XRCC5: variants seen among roughly 807,000 people sequenced by gnomAD.
The protein encoded by XRCC5 is DNA repair protein Ku80.
Under a neutral mutation model 95.7 loss-of-function variants are expected in XRCC5, and 12 were observed. The ratio of observed to expected loss-of-function variants is 0.13; its 90% CI spans 0.08 to 0.20. XRCC5 has a LOEUF of 0.20. Ranked by LOEUF, XRCC5 falls within the 10% of genes least tolerant of loss-of-function variation. XRCC5 has a pLI of 1.00. For synonymous variants in XRCC5, 281 were observed against 290.3 expected (o/e 0.97, Z 0.33); for missense variants, 595 against 873.9 (o/e 0.68, Z 4.02).
At chr2:216,109,485 T>C in intron 1 of XRCC5, 28 bp downstream of exon 1, 2 of 1,613,380 alleles carry the variant, frequency 1.2e-6, no homozygotes, top group Non-Finnish European at 1.7e-6. Flanking sequence ...GACTTGGGCT[T>C]TACCCGGACT....
intron 16 of XRCC5, among the ~76,000 whole-genome samples, chr2:216,179,385 G>A (rs1011158043): frequency 1.3e-5 from 2 of 152,172 alleles, no homozygotes; most frequent in Non-Finnish European, 2.9e-5. Context: ...CTCTTTCCAA[G>A]TAAGGTCACG....
intron 6 of XRCC5, among the ~76,000 whole-genome samples, chr2:216,125,590 T>G (rs894742041): frequency 3.9e-5 from 6 of 152,210 alleles, no homozygotes; most frequent in African/African-American, 1.4e-4. Context: ...AATGTGCTTT[T>G]ATCACATCCT....
intron 10 of XRCC5, among the ~76,000 whole-genome samples, chr2:216,135,627 A>G (rs1697062302): frequency 6.6e-6 from 1 of 152,038 alleles, no homozygotes; most frequent in Non-Finnish European, 1.5e-5. Flanking sequence ...GCAAAACCCC[A>G]TCTCTACTAA....
At chr2:216,126,200 C>T (rs1696897792) in intron 7 of XRCC5, among the ~76,000 whole-genome samples, 169 bp downstream of exon 7, 1 of 152,170 alleles carries the variant, frequency 6.6e-6, no homozygotes. Flanking sequence ...AAAAGGCAGG[C>T]TAGGAGAGGA....
intron 16 of XRCC5, among the ~76,000 whole-genome samples, chr2:216,182,338 C>T (rs1207464984): frequency 2.0e-5 from 3 of 152,184 alleles, no homozygotes; most frequent in African/African-American, 7.2e-5. Flanking sequence ...CTTCTACTTA[C>T]TTCCTATATT....
chr2:216,131,812 C>G (rs932439185), intron 9 of XRCC5, among the ~76,000 whole-genome samples: 6 of 152,202 alleles, frequency 3.9e-5, no homozygotes, highest in Admixed American at 6.5e-5. Flanking sequence ...CTGTACTACT[C>G]CAAGAGCAGT....
At chr2:216,164,138 G>A (rs1292327793) in intron 16 of XRCC5, among the ~76,000 whole-genome samples, 9 of 152,138 alleles carry the variant, frequency 5.9e-5, no homozygotes, top group African/African-American at 1.9e-4. Flanking sequence ...GGAAAGTGGC[G>A]GAGATGCTGC....
chr2:216,141,540 CTTTTTTTTTT>C (rs71401137), intron 13 of XRCC5, among the ~76,000 whole-genome samples: 2 of 65,006 alleles, frequency 3.1e-5, no homozygotes, highest in African/African-American at 7.4e-5. Flanking sequence ...TCTTTCTTTT[CTTTTTTTTTT>C]TTTTTTTTTT....
chr2:216,184,678 G>A (rs1377039498), intron 16 of XRCC5, among the ~76,000 whole-genome samples: 4 of 152,208 alleles, frequency 2.6e-5, no homozygotes, highest in East Asian at 1.9e-4. Flanking sequence ...ACGGGGTTTC[G>A]CCATATTGGC....
intron 16 of XRCC5, among the ~76,000 whole-genome samples, chr2:216,181,190 C>T (rs547854730): frequency 2.0e-5 from 3 of 152,290 alleles, no homozygotes; most frequent in South Asian, 2.1e-4. Flanking sequence ...TAATTTACTT[C>T]TCAGGTCTGT....
At chr2:216,188,094 G>A (rs1351126210) in intron 16 of XRCC5, among the ~76,000 whole-genome samples, 14 of 151,674 alleles carry the variant, frequency 9.2e-5, no homozygotes, top group Admixed American at 5.9e-4. Flanking sequence ...CCCTATTTCT[G>A]TCCATGTATG....
chr2:216,132,194 GTAA>G, intron 9 of XRCC5, 128 bp from the exon 10 acceptor site: 1 of 770,124 alleles, frequency 1.3e-6, no homozygotes, highest in Non-Finnish European at 2.2e-6. Context: ...TAAACTTCAG[GTAA>G]TAAGGTGTTT....
intron 5 of XRCC5, 69 bp downstream of exon 5, chr2:216,119,234 T>TA: frequency 6.4e-7 from 1 of 1,551,342 alleles, no homozygotes. Context: ...GGGCCCTCTG[T>TA]ATAGAGTACT....
At chr2:216,118,065 C>T (rs995058734) in intron 4 of XRCC5, among the ~76,000 whole-genome samples, 6 of 152,002 alleles carry the variant, frequency 3.9e-5, no homozygotes, top group Admixed American at 2.6e-4. Context: ...AAGCTGATTA[C>T]CAGGAATTTT....
chr2:216,131,082 T>C (rs958719273), intron 9 of XRCC5, 95 bp downstream of exon 9: 22 of 1,423,950 alleles, frequency 1.5e-5, no homozygotes, highest in Non-Finnish European at 1.9e-5. Context: ...GTATATTTAT[T>C]TCACTTTTAA....
intron 16 of XRCC5, 29 bp downstream of exon 16, chr2:216,162,077 A>G (rs1688963859): frequency 6.3e-7 from 1 of 1,598,218 alleles, no homozygotes; most frequent in African/African-American, 1.3e-5. Context: ...ATTTAGGAGA[A>G]GCTGTTTAGT....
At position 216,160,183 on chromosome 2, in the gene XRCC5, C is replaced by T. The variant is rs779679934; in HGVS notation, c.1764+22C>T. On this transcript the variant is annotated intron_variant, in intron 15 of 20. Coordinates refer to ENST00000392132, the MANE Select transcript of XRCC5 (RefSeq NM_021141.4). ...CTCTGTAAGCTAAGCTTTTCAAGTG[C>T]GCTTCCCCCTTTGCAGGAAGGTTGG... 32 of 1,532,114 alleles carry T rather than the reference C, an allele frequency of 2.1e-5. No homozygotes were observed. The South Asian group carries it at 2.2e-4, about 10-fold the overall frequency. 94.9% of individuals were successfully genotyped at this position (1,532,114 alleles called of 1,614,324 possible).
At chr2:216,193,587 A>G (rs1689659420) in intron 18 of XRCC5, among the ~76,000 whole-genome samples, 1 of 152,194 alleles carries the variant, frequency 6.6e-6, no homozygotes. Context: ...TCTGCACTGG[A>G]GAACAAAAGG....
chr2:216,184,458 A>G (rs1423206586), intron 16 of XRCC5, among the ~76,000 whole-genome samples: 2 of 152,182 alleles, frequency 1.3e-5, no homozygotes, highest in Admixed American at 6.5e-5. Flanking sequence ...AGCTTCCCTT[A>G]TAATTTAAAT....
Sources: gnomAD v4.1 joint callset for allele counts (sites outside exome capture counted in the v4.1 genomes callset) on GRCh38, gnomAD v4.1.1 for gene constraint, MANE v1.5 for transcripts, NCBI Gene and HGNC (gene_info 2026-07-23, HGNC 2026-07-21) for gene names.